ZNF469: variants seen among roughly 807,000 people sequenced by gnomAD.
The protein encoded by ZNF469 is zinc finger protein 469.
A neutral mutation model predicts 1.0 loss-of-function variants in ZNF469; 1 was observed. That is an observed-to-expected ratio of 1.00 (90% CI 0.35 to 4.73). ZNF469 has a LOEUF of 4.73. Among genes scored for constraint, ZNF469 ranks in the 30% most tolerant of loss-of-function variants. The probability of loss-of-function intolerance (pLI) is 0.16; values close to 1 mark genes in which losing one functional copy is unlikely to be tolerated. For synonymous variants in ZNF469, 2,703 were observed against 2,363.4 expected (o/e 1.14, Z -4.17); for missense variants, 6,100 against 5,356.3 (o/e 1.14, Z -4.33).
At chr16:88,236,465 C>T in the ZNF469 span, among the ~76,000 whole-genome samples, 7 of 152,224 alleles carry the variant, frequency 4.6e-5, no homozygotes, top group East Asian at 7.7e-4. Flanking sequence ...TATAAAGAGA[C>T]GTGTCCGACC....
chr16:88,360,150 G>T, the ZNF469 span, among the ~76,000 whole-genome samples: 2 of 151,820 alleles, frequency 1.3e-5, no homozygotes, highest in African/African-American at 4.8e-5. Context: ...AACCACACCC[G>T]GCTGGGATTA....
At chr16:88,294,180 A>G in the ZNF469 span, among the ~76,000 whole-genome samples, 4 of 152,252 alleles carry the variant, frequency 2.6e-5, no homozygotes, top group South Asian at 8.3e-4. Flanking sequence ...ACATGGGACC[A>G]GTGACAAAGA....
the ZNF469 span, among the ~76,000 whole-genome samples, chr16:88,135,748 G>GTTTTAT: frequency 1.5e-5 from 1 of 66,926 alleles, no homozygotes; most frequent in Non-Finnish European, 3.0e-5. Context: ...AGCTGGCCAT[G>GTTTTAT]TTTTTTTTTT....
the ZNF469 span, among the ~76,000 whole-genome samples, chr16:88,323,571 G>C: frequency 1.3e-5 from 2 of 152,330 alleles, no homozygotes; most frequent in South Asian, 4.1e-4. Context: ...GGTCCCAAGA[G>C]CCTCAGGACC....
the ZNF469 span, among the ~76,000 whole-genome samples, chr16:88,272,152 G>T: frequency 6.7e-6 from 1 of 149,592 alleles, no homozygotes; most frequent in Non-Finnish European, 1.5e-5. Context: ...ATGGATAGAC[G>T]AGTGGGTGGG....
chr16:88,387,213 G>A (rs372586495), intron 1 of ZNF469, among the ~76,000 whole-genome samples: 2 of 152,320 alleles, frequency 1.3e-5, no homozygotes, highest in South Asian at 2.1e-4. Context: ...CCCATCCTGC[G>A]TGCCTGCGGA....
At chr16:88,270,330 C>T in the ZNF469 span, among the ~76,000 whole-genome samples, 1 of 152,316 alleles carries the variant, frequency 6.6e-6, no homozygotes, top group Non-Finnish European at 1.5e-5. Flanking sequence ...GTTGGCTGCT[C>T]ACAAACCAGC....
At chr16:88,318,633 C>G in the ZNF469 span, among the ~76,000 whole-genome samples, 1 of 152,258 alleles carries the variant, frequency 6.6e-6, no homozygotes, top group South Asian at 2.1e-4. Flanking sequence ...CCTGGCGTGT[C>G]CCACACCTGG....
the ZNF469 span, chr16:88,195,126 T>G: frequency 6.6e-6 from 1 of 152,188 alleles, no homozygotes; most frequent in Non-Finnish European, 1.5e-5. Context: ...GGCTCTCTGG[T>G]CGCAAGCCGC....
At chr16:88,173,899 T>C in the ZNF469 span, among the ~76,000 whole-genome samples, 1 of 152,022 alleles carries the variant, frequency 6.6e-6, no homozygotes, top group Admixed American at 6.5e-5. Context: ...GACCCTCGAT[T>C]AATCTAAAAG....
chr16:88,222,916 A>C, the ZNF469 span, among the ~76,000 whole-genome samples: 1 of 152,208 alleles, frequency 6.6e-6, no homozygotes, highest in Non-Finnish European at 1.5e-5. Context: ...TTATTTTTGC[A>C]AAGCGTCAGC....
the ZNF469 span, among the ~76,000 whole-genome samples, chr16:88,293,365 C>A: frequency 1.4e-5 from 2 of 145,274 alleles, no homozygotes; most frequent in Non-Finnish European, 3.0e-5. Context: ...TAAATGAGTA[C>A]ATGGTGGATG....
chr16:88,219,464 G>A, the ZNF469 span, among the ~76,000 whole-genome samples: 48 of 141,604 alleles, frequency 3.4e-4, no homozygotes, highest in Middle Eastern at 0.014. Context: ...AAATAACGCC[G>A]CATATCTACA....
At chr16:88,422,225 T>G (rs746301108) in intron 1 of ZNF469, among the ~76,000 whole-genome samples, 21 of 141,402 alleles carry the variant, frequency 1.5e-4, no homozygotes, top group Non-Finnish European at 2.4e-4. Flanking sequence ...AGTGGGTGGA[T>G]AGATGGGTGG....
chr16:88,194,000 C>T, the ZNF469 span, among the ~76,000 whole-genome samples: 27 of 152,310 alleles, frequency 1.8e-4, no homozygotes, highest in African/African-American at 6.5e-4. Context: ...AGGATTTCAA[C>T]AAATGAATGT....
the ZNF469 span, among the ~76,000 whole-genome samples, chr16:88,365,242 G>T: frequency 2.6e-5 from 4 of 152,192 alleles, no homozygotes; most frequent in African/African-American, 9.7e-5. Flanking sequence ...GATATTAGTT[G>T]TGTTCAACTC....
the ZNF469 span, among the ~76,000 whole-genome samples, chr16:88,123,651 G>C: frequency 6.6e-6 from 1 of 151,546 alleles, no homozygotes; most frequent in Non-Finnish European, 1.5e-5. Context: ...TTGCCAAAGG[G>C]GTCGTCCCCC....
chr16:88,344,396 C>G, the ZNF469 span, among the ~76,000 whole-genome samples: 4 of 152,230 alleles, frequency 2.6e-5, no homozygotes, highest in African/African-American at 4.8e-5. Context: ...GACACAAACT[C>G]TCCATGCTGT....
chr16:88,366,735 A>G, the ZNF469 span, among the ~76,000 whole-genome samples: 4 of 151,336 alleles, frequency 2.6e-5, no homozygotes, highest in Non-Finnish European at 5.9e-5. Flanking sequence ...TCACATCACC[A>G]TCATTATCAT....
Sources: gnomAD v4.1 joint callset for allele counts (sites outside exome capture counted in the v4.1 genomes callset) on GRCh38, gnomAD v4.1.1 for gene constraint, MANE v1.5 for transcripts, NCBI Gene and HGNC (gene_info 2026-07-23, HGNC 2026-07-21) for gene names.